Variants in ADGRL3 observed in about 807,000 individuals in gnomAD.
ADGRL3 encodes the protein calcium-independent alpha-latrotoxin receptor 3.
A neutral mutation model predicts 153.5 loss-of-function variants in ADGRL3; 62 were observed. The ratio of observed to expected loss-of-function variants is 0.40; its 90% CI spans 0.33 to 0.50. The LOEUF (loss-of-function observed/expected upper bound fraction) is 0.50, where lower values mean the gene tolerates loss of function less well. Ranked by LOEUF, ADGRL3 falls within the 20% of genes least tolerant of loss-of-function variation. The pLI is 0.47. For synonymous variants in ADGRL3, 710 were observed against 672.5 expected, an observed-to-expected ratio of 1.06 and a Z score of -0.86; for missense variants, 1,641 against 1,859.4, an observed-to-expected ratio of 0.88 and a Z score of 2.16.
intron 19 of ADGRL3, among the ~76,000 whole-genome samples, chr4:61,990,916 T>A (rs952867001): frequency 6.6e-6 from 1 of 151,334 alleles, no homozygotes; most frequent in African/African-American, 2.4e-5. Context: ...TGGGAGTTAT[T>A]ATAAGTACCT....
chr4:61,704,415 T>G (rs2095821294), intron 6 of ADGRL3, among the ~76,000 whole-genome samples: 1 of 152,210 alleles, frequency 6.6e-6, no homozygotes, highest in Non-Finnish European at 1.5e-5. Flanking sequence ...CAATGGTATT[T>G]ATGTCTAAAA....
chr4:61,804,294 A>G (rs949460928), intron 8 of ADGRL3, among the ~76,000 whole-genome samples: 47 of 152,164 alleles, frequency 3.1e-4, no homozygotes, highest in African/African-American at 9.2e-4. Context: ...ATTGATCTCA[A>G]TCAGCTAACT....
intron 17 of ADGRL3, among the ~76,000 whole-genome samples, chr4:61,969,658 C>A (rs1004249701): frequency 3.3e-5 from 5 of 152,020 alleles, no homozygotes; most frequent in Non-Finnish European, 7.4e-5. Context: ...ACAGTTAATT[C>A]ACAGGCAAGA....
chr4:61,769,079 C>T (rs536889103), intron 8 of ADGRL3, among the ~76,000 whole-genome samples: 6 of 151,576 alleles, frequency 4.0e-5, no homozygotes, highest in South Asian at 4.2e-4. Context: ...CCCAGGAAAG[C>T]GGGACTTGCC....
intron 4 of ADGRL3, among the ~76,000 whole-genome samples, chr4:61,553,540 TA>T (rs1412206196): frequency 1.8e-4 from 28 of 152,332 alleles, no homozygotes; most frequent in African/African-American, 6.0e-4. Flanking sequence ...GCCTCCAAGT[TA>T]TGAGCCATTA....
chr4:61,635,497 G>A (rs989915787), intron 5 of ADGRL3, among the ~76,000 whole-genome samples: 2 of 152,068 alleles, frequency 1.3e-5, no homozygotes, highest in Non-Finnish European at 2.9e-5. Context: ...GAGAGTTGAG[G>A]TATACCTCTC....
chr4:61,642,684 A>C (rs572508953), intron 5 of ADGRL3, among the ~76,000 whole-genome samples: 1 of 152,148 alleles, frequency 6.6e-6, no homozygotes, highest in Non-Finnish European at 1.5e-5. Context: ...TGTTTTGGTT[A>C]CTGTAGCCTT....
At chr4:61,368,424 C>T (rs1203465137) in intron 1 of ADGRL3, among the ~76,000 whole-genome samples, 1 of 152,120 alleles carries the variant, frequency 6.6e-6, no homozygotes, top group African/African-American at 2.4e-5. Context: ...AGGAAGGGAT[C>T]CAGTTTCAGC....
chr4:61,533,425 A>G (rs1365451415), intron 4 of ADGRL3, among the ~76,000 whole-genome samples: 1 of 152,028 alleles, frequency 6.6e-6, no homozygotes, highest in South Asian at 2.1e-4. Flanking sequence ...GACAATATAT[A>G]TTTCCTGGGA....
intron 2 of ADGRL3, among the ~76,000 whole-genome samples, chr4:61,485,899 C>G (rs2098186004): frequency 1.4e-5 from 2 of 146,776 alleles, no homozygotes; most frequent in South Asian, 2.2e-4. Context: ...GCTCATTAGT[C>G]TCAGCTATGG....
At chr4:61,793,316 C>T (rs980657518) in intron 8 of ADGRL3, among the ~76,000 whole-genome samples, 108 of 152,224 alleles carry the variant, frequency 7.1e-4, no homozygotes, top group African/African-American at 2.5e-3. Flanking sequence ...CCCAGCTATT[C>T]AGGAGGCTGA....
intron 4 of ADGRL3, among the ~76,000 whole-genome samples, chr4:61,576,801 A>G (rs1368906374): frequency 6.6e-6 from 1 of 151,668 alleles, no homozygotes; most frequent in Admixed American, 6.6e-5. Context: ...AAAACATAAC[A>G]ATGTGAAAAT....
At chr4:61,634,225 T>C (rs1260465523) in intron 5 of ADGRL3, among the ~76,000 whole-genome samples, 1 of 152,130 alleles carries the variant, frequency 6.6e-6, no homozygotes, top group African/African-American at 2.4e-5. Context: ...CACCCCTGAA[T>C]TATAGCAGTC....
chr4:61,704,671 C>T (rs1441487411), intron 6 of ADGRL3, among the ~76,000 whole-genome samples: 6 of 152,146 alleles, frequency 3.9e-5, no homozygotes, highest in Admixed American at 3.3e-4. Context: ...TCATGACAGG[C>T]TTTTTTGATA....
chr4:61,205,597 T>A (rs1736761606), intron 1 of ADGRL3, among the ~76,000 whole-genome samples: 1 of 152,340 alleles, frequency 6.6e-6, no homozygotes, highest in Middle Eastern at 3.4e-3. Context: ...TAGATTATTA[T>A]ATTTATGTCT....
intron 25 of ADGRL3, among the ~76,000 whole-genome samples, chr4:62,046,449 T>G (rs1162856841): frequency 2.0e-5 from 3 of 151,944 alleles, no homozygotes; most frequent in Admixed American, 2.0e-4. Context: ...TTTAATCAAC[T>G]TTGAATATAG....
rs1361554662 is a variant in ADGRL3 at position 61,305,264 on chromosome 4, G to A, written c.-239-77860G>A. 2.0e-5 allele frequency among the ~76,000 whole-genome samples: 3 copies of A among 152,024 alleles called. No individual in the cohort carries two copies. In the East Asian group the frequency reaches 5.8e-4, roughly 29 times the overall value. On this transcript the variant is annotated intron_variant, in intron 1 of 26. Transcript: ENST00000683033. ...TTGTGAATATCTTCCTTGGAAGAATGAATTTCAGTCTAGATTGAGGCTTCT... is the reference window on the plus strand; with the variant it reads ...TTGTGAATATCTTCCTTGGAAGAATAAATTTCAGTCTAGATTGAGGCTTCT...
chr4:61,337,492 A>C (rs62314361), intron 1 of ADGRL3, among the ~76,000 whole-genome samples: 4,211 of 152,180 alleles, frequency 0.028, 81 homozygotes, highest in Non-Finnish European at 0.043. Context: ...CTTTCCGGCC[A>C]TTTCCTGCCC....
At chr4:61,745,562 C>G (rs986865556) in intron 8 of ADGRL3, among the ~76,000 whole-genome samples, 9 of 152,208 alleles carry the variant, frequency 5.9e-5, no homozygotes, top group East Asian at 3.9e-4. Flanking sequence ...ATTCAACATT[C>G]TTAAAGAAAA....
Sources: allele counts gnomAD v4.1 joint callset (sites outside exome capture counted in the v4.1 genomes callset), GRCh38; gene constraint gnomAD v4.1.1; transcripts MANE v1.5; gene names NCBI Gene and HGNC (gene_info 2026-07-23, HGNC 2026-07-21).